The following RANBP2 variants were observed in gnomAD, a reference collection of about 807,000 sequenced individuals.
The protein encoded by RANBP2 is E3 SUMO-protein ligase RanBP2.
A neutral mutation model predicts 303.6 loss-of-function variants in RANBP2; 57 were observed. The observed-to-expected ratio is 0.19, with a 90% CI of 0.15 to 0.23. The LOEUF (loss-of-function observed/expected upper bound fraction) is 0.23. Ranked by LOEUF, RANBP2 falls within the 10% of genes least tolerant of loss-of-function variation. The pLI is 1.00. For synonymous variants in RANBP2, 1,167 were observed against 1,301.5 expected (o/e 0.90, Z 2.23); for missense variants, 3,138 against 3,780.8 (o/e 0.83, Z 4.46).
chr2:109,107,272 G>A, the RANBP2 span, among the ~76,000 whole-genome samples: 3 of 150,738 alleles, frequency 2.0e-5, no homozygotes, highest in South Asian at 2.1e-4. Context: ...TTAAAAGAAC[G>A]CTGGAGACCA....
chr2:109,442,107 T>C, the RANBP2 span, among the ~76,000 whole-genome samples: 17 of 151,888 alleles, frequency 1.1e-4, no homozygotes, highest in African/African-American at 3.9e-4. Flanking sequence ...GTCAGGAGAT[T>C]GAGACCATCC....
the RANBP2 span, among the ~76,000 whole-genome samples, chr2:109,765,778 A>G: frequency 4.6e-5 from 7 of 151,092 alleles, no homozygotes; most frequent in Admixed American, 2.0e-4. Flanking sequence ...GATGCTGCCC[A>G]GTAGTGCCCG....
At chr2:109,615,985 G>A in the RANBP2 span, 13 of 1,553,956 alleles carry the variant, frequency 8.4e-6, no homozygotes, top group Non-Finnish European at 1.1e-5. Context: ...GAGGGCAGGG[G>A]GGAGGAGGGA....
chr2:108,726,407 G>A (rs528474532), intron 1 of RANBP2, among the ~76,000 whole-genome samples: 54 of 150,710 alleles, frequency 3.6e-4, no homozygotes, highest in South Asian at 2.1e-3. Flanking sequence ...GCCATATAGT[G>A]CTTCCTTTAA....
At chr2:109,110,785 G>C in the RANBP2 span, among the ~76,000 whole-genome samples, 1 of 152,172 alleles carries the variant, frequency 6.6e-6, no homozygotes, top group East Asian at 1.9e-4. Context: ...ATGCAGGTGA[G>C]ATCAGGTGGC....
the RANBP2 span, among the ~76,000 whole-genome samples, chr2:108,802,003 C>T: frequency 8.4e-6 from 1 of 119,308 alleles, no homozygotes; most frequent in African/African-American, 3.1e-5. Context: ...TGTTTTGGTA[C>T]CAGTACCATG....
At chr2:109,634,141 A>G in the RANBP2 span, among the ~76,000 whole-genome samples, 1 of 150,436 alleles carries the variant, frequency 6.6e-6, no homozygotes. Flanking sequence ...AAAAAAAAAA[A>G]AAAAAGAAAA....
At chr2:108,838,667 A>G in the RANBP2 span, among the ~76,000 whole-genome samples, 1 of 152,178 alleles carries the variant, frequency 6.6e-6, no homozygotes, top group Non-Finnish European at 1.5e-5. Flanking sequence ...GCATATTAAG[A>G]TATGCATGCA....
At chr2:109,556,261 G>A in the RANBP2 span, among the ~76,000 whole-genome samples, 1 of 152,128 alleles carries the variant, frequency 6.6e-6, no homozygotes, top group African/African-American at 2.4e-5. Context: ...CTTGCTATAA[G>A]AATATCCCAA....
At chr2:109,372,919 C>A in the RANBP2 span, among the ~76,000 whole-genome samples, 2 of 152,220 alleles carry the variant, frequency 1.3e-5, no homozygotes, top group African/African-American at 4.8e-5. Flanking sequence ...TCTGTCAATT[C>A]CCCGTTGCCT....
intron 20 of RANBP2, among the ~76,000 whole-genome samples, chr2:108,770,125 T>G (rs1677396044): frequency 6.6e-6 from 1 of 152,246 alleles, no homozygotes; most frequent in South Asian, 2.1e-4. Flanking sequence ...TAAGAATGAA[T>G]GTGCCTATAT....
At chr2:109,196,018 G>A in the RANBP2 span, among the ~76,000 whole-genome samples, 2 of 152,184 alleles carry the variant, frequency 1.3e-5, no homozygotes, top group African/African-American at 2.4e-5. Context: ...AAATCTGTAC[G>A]CACACCTGTT....
chr2:108,812,365 A>G, the RANBP2 span, among the ~76,000 whole-genome samples: 2 of 152,166 alleles, frequency 1.3e-5, no homozygotes, highest in African/African-American at 2.4e-5. Flanking sequence ...TAATAAAAAC[A>G]TTTTCACTAA....
the RANBP2 span, among the ~76,000 whole-genome samples, chr2:108,998,044 G>C: frequency 3.9e-5 from 6 of 152,282 alleles, no homozygotes; most frequent in East Asian, 1.2e-3. Flanking sequence ...ATTGCAGTGA[G>C]ATGGTTGTAT....
chr2:109,435,674 T>C, the RANBP2 span, among the ~76,000 whole-genome samples: 1 of 152,246 alleles, frequency 6.6e-6, no homozygotes, highest in East Asian at 1.9e-4. Context: ...TCTGCTGTCA[T>C]GAGAGGCAGA....
chr2:108,926,572 G>A, the RANBP2 span, among the ~76,000 whole-genome samples: 1 of 152,220 alleles, frequency 6.6e-6, no homozygotes, highest in Non-Finnish European at 1.5e-5. Flanking sequence ...ATCCAGAATC[G>A]CGGGGTGGTG....
the RANBP2 span, among the ~76,000 whole-genome samples, chr2:109,321,618 A>G: frequency 3.3e-5 from 5 of 152,378 alleles, no homozygotes; most frequent in South Asian, 2.1e-4. Flanking sequence ...TGCAAAGCCA[A>G]TTTAGGAACC....
chr2:109,215,933 C>T, the RANBP2 span, among the ~76,000 whole-genome samples: 464 of 152,308 alleles, frequency 3.0e-3, no homozygotes, highest in Non-Finnish European at 4.8e-3. Context: ...GGGCTTCTAC[C>T]GTGCCAGCGG....
the RANBP2 span, among the ~76,000 whole-genome samples, chr2:108,992,284 G>C: frequency 6.6e-6 from 1 of 152,210 alleles, no homozygotes; most frequent in Non-Finnish European, 1.5e-5. Context: ...ATCACAATGA[G>C]AACAACAGTC....
Sources: gnomAD v4.1 joint callset for allele counts (sites outside exome capture counted in the v4.1 genomes callset) on GRCh38, gnomAD v4.1.1 for gene constraint, MANE v1.5 for transcripts, NCBI Gene and HGNC (gene_info 2026-07-23, HGNC 2026-07-21) for gene names.